DTNA: variants seen among roughly 807,000 people sequenced by gnomAD.
The protein encoded by DTNA is dystrophin-related protein 3.
Under a neutral mutation model 100.7 loss-of-function variants are expected in DTNA, and 43 were observed. The observed-to-expected ratio is 0.43, with a 90% CI of 0.33 to 0.55. DTNA has a LOEUF of 0.55. Ranked by LOEUF, DTNA falls within the 20% of genes least tolerant of loss-of-function variation. The probability of loss-of-function intolerance (pLI) is 0.04; values close to 1 mark genes in which losing one functional copy is unlikely to be tolerated. For synonymous variants in DTNA, 349 were observed against 347.9 expected (o/e 1.00, Z -0.04); for missense variants, 798 against 953.9 (o/e 0.84, Z 2.15).
chr18:34,852,087 G>T (rs2096487919), intron 15 of DTNA, among the ~76,000 whole-genome samples, 159 bp downstream of exon 15: 2 of 152,210 alleles, frequency 1.3e-5, no homozygotes. Flanking sequence ...CTGGTCTTTA[G>T]ATCTTTAGAA....
intron 1 of DTNA, among the ~76,000 whole-genome samples, chr18:34,660,580 G>C (rs566951341): frequency 2.0e-5 from 3 of 152,154 alleles, no homozygotes; most frequent in Admixed American, 6.5e-5. Context: ...ATCCAGGAGA[G>C]AATCGACTAA....
rs972691990 is a variant in DTNA, at chr18:34,603,000, C to T, written c.-2+109486C>T. ...CCCGGGCGACAGTGTGAGACTCCCTCTCAAAAAAAAAATACAAAATAAAAA... is the reference window on the plus strand; with the variant it reads ...CCCGGGCGACAGTGTGAGACTCCCTTTCAAAAAAAAAATACAAAATAAAAA... On this transcript the variant is annotated intron_variant, in intron 1 of 19. Coordinates refer to the DTNA transcript ENST00000283365. Among the ~76,000 whole-genome samples, 10 of 149,996 alleles carry T rather than the reference C, an allele frequency of 6.7e-5. No homozygotes were observed. The East Asian group carries it at 2.0e-3, about 29-fold the overall frequency.
At chr18:34,570,199 G>A (rs1160367851) in intron 1 of DTNA, among the ~76,000 whole-genome samples, 2 of 152,128 alleles carry the variant, frequency 1.3e-5, no homozygotes, top group Admixed American at 6.5e-5. Context: ...AAGCCACTGA[G>A]TATAGTCATT....
intron 3 of DTNA, among the ~76,000 whole-genome samples, chr18:34,767,051 T>G (rs2093515734): frequency 6.6e-6 from 1 of 152,340 alleles, no homozygotes; most frequent in South Asian, 2.1e-4. Flanking sequence ...TATTGATTCA[T>G]AGTTCATGTG....
rs2147832701 is a variant in DTNA, at chr18:34,620,142, G to A, written c.-2+126628G>A. On this transcript the variant is annotated intron_variant, in intron 1 of 19. Coordinates refer to the DTNA transcript ENST00000283365. ...GTCAGAGACAGTCTTACTGGGAACA[G>A]GTTCAGTGTAGTGGTGGGAAAATGA... 2.6e-5 allele frequency among the ~76,000 whole-genome samples: 4 copies of A among 152,286 alleles called. 1 individual carries two copies. The South Asian group carries it at 8.3e-4, about 32-fold the overall frequency.
intron 1 of DTNA, among the ~76,000 whole-genome samples, chr18:34,751,851 A>G (rs1270831856): frequency 6.6e-6 from 1 of 152,230 alleles, no homozygotes; most frequent in Non-Finnish European, 1.5e-5. Context: ...GAAGACAAGG[A>G]TCATGTTGTA....
chr18:34,780,640 G>T (rs1033666904), intron 3 of DTNA, among the ~76,000 whole-genome samples: 5 of 152,146 alleles, frequency 3.3e-5, no homozygotes, highest in African/African-American at 9.7e-5. Flanking sequence ...TTCAAACATG[G>T]TCATAATCAT....
chr18:34,762,898 C>T (rs1200866382), intron 2 of DTNA, among the ~76,000 whole-genome samples: 1 of 152,170 alleles, frequency 6.6e-6, no homozygotes, highest in Non-Finnish European at 1.5e-5. Context: ...GCAGTCAGTG[C>T]ACTTCAGGCC....
At chr18:34,503,279 ATTTTTTT>A (rs869258771) in intron 1 of DTNA, among the ~76,000 whole-genome samples, 1 of 62,042 alleles carries the variant, frequency 1.6e-5, no homozygotes, top group African/African-American at 6.7e-5. Flanking sequence ...TAATTGGCTC[ATTTTTTT>A]TTTTTTTTTT....
chr18:34,781,221 C>T (rs2094305126), intron 3 of DTNA, among the ~76,000 whole-genome samples: 1 of 152,154 alleles, frequency 6.6e-6, no homozygotes, highest in African/African-American at 2.4e-5. Flanking sequence ...GGTTCTTCAT[C>T]ACTATTTTTC....
chr18:34,772,595 A>G (rs145499845), intron 3 of DTNA, among the ~76,000 whole-genome samples: 12 of 152,328 alleles, frequency 7.9e-5, no homozygotes, highest in African/African-American at 2.9e-4. Context: ...TGTTTTTAGT[A>G]GTAAACACTA....
chr18:34,882,647 C>T (rs1388759006), intron 21 of DTNA, among the ~76,000 whole-genome samples: 2 of 152,092 alleles, frequency 1.3e-5, no homozygotes, highest in Admixed American at 6.6e-5. Context: ...GGATTACAGG[C>T]GTGAGCCACT....
At chr18:34,570,485 C>A (rs1252113227) in intron 1 of DTNA, among the ~76,000 whole-genome samples, 2 of 152,196 alleles carry the variant, frequency 1.3e-5, no homozygotes, top group African/African-American at 2.4e-5. Flanking sequence ...TAACATCTAG[C>A]ACAAATTAAG....
chr18:34,830,562 G>T (rs552030008), intron 11 of DTNA, among the ~76,000 whole-genome samples: 105 of 151,818 alleles, frequency 6.9e-4, no homozygotes, highest in African/African-American at 2.2e-3. Context: ...CGCATTCCCT[G>T]TTCTTACATC....
At chr18:34,584,732 G>T (rs1469428117) in intron 1 of DTNA, among the ~76,000 whole-genome samples, 1 of 152,146 alleles carries the variant, frequency 6.6e-6, no homozygotes, top group South Asian at 2.1e-4. Flanking sequence ...GGGAACTCAT[G>T]CATATCGCAC....
intron 1 of DTNA, among the ~76,000 whole-genome samples, chr18:34,626,261 T>C (rs920218598): frequency 2.6e-5 from 4 of 152,152 alleles, no homozygotes; most frequent in African/African-American, 9.7e-5. Context: ...TAAGTAAGAC[T>C]CAGAAGAAAT....
intron 1 of DTNA, among the ~76,000 whole-genome samples, chr18:34,524,455 C>G (rs2042423295): frequency 6.6e-6 from 1 of 152,002 alleles, no homozygotes; most frequent in South Asian, 2.1e-4. Flanking sequence ...GTCTTGAGAA[C>G]CAATCAAAAA....
rs867672631 is a variant in DTNA at position 34,646,686 on chromosome 18, G to A, written c.-1-109290G>A. 1.2e-4 allele frequency among the ~76,000 whole-genome samples: 19 copies of A among 152,194 alleles called. No individual in the cohort carries two copies. The South Asian group carries it at 1.9e-3, about 15-fold the overall frequency. On this transcript the variant is annotated intron_variant, in intron 1 of 19. Coordinates refer to the DTNA transcript ENST00000283365. ...TACAAATCTCCATCTGAAGCTACTAGTTTTATTATTCTTATTACTTTATTT... is the reference window on the plus strand; with the variant it reads ...TACAAATCTCCATCTGAAGCTACTAATTTTATTATTCTTATTACTTTATTT...
intron 1 of DTNA, among the ~76,000 whole-genome samples, chr18:34,673,187 G>A (rs1008873129): frequency 7.2e-5 from 11 of 152,116 alleles, no homozygotes; most frequent in African/African-American, 2.7e-4. Context: ...GCTGGGCTCA[G>A]GTGATCTCCC....
Sources: gnomAD v4.1 joint callset for allele counts (sites outside exome capture counted in the v4.1 genomes callset) on GRCh38, gnomAD v4.1.1 for gene constraint, MANE v1.5 for transcripts, NCBI Gene and HGNC (gene_info 2026-07-23, HGNC 2026-07-21) for gene names.